Variants in ATG2B observed in about 807,000 individuals in gnomAD.
ATG2B encodes autophagy related 2B.
A neutral mutation model predicts 241.3 loss-of-function variants in ATG2B; 121 were observed. That is an observed-to-expected ratio of 0.50 (90% CI 0.43 to 0.58). The LOEUF is 0.58. ATG2B is among the 20% of genes least tolerant of loss of function. ATG2B has a pLI of 0.00. For missense variants in ATG2B, 2,306 were observed against 2,491.6 expected (o/e 0.93, Z 1.59); for synonymous variants, 858 against 876.6 (o/e 0.98, Z 0.37).
rs1383567961 is a variant in ATG2B at position 96,313,451 on chromosome 14, AT to A, written c.3643-17del. The A allele has an allele frequency of 1.4e-6, 2 of 1,389,632 alleles. No individual in the cohort carries two copies. The highest frequency in any genetic ancestry group is 2.0e-6 in the Non-Finnish European group (2 of 1,012,700). The allele number at this position is 1,389,632 out of a possible 1,614,324, so 86.1% of individuals were successfully genotyped here. A position where few individuals can be genotyped will look rare whatever the true frequency, so the allele number is the denominator to read the frequency against. On this transcript the variant is annotated splice_polypyrimidine_tract_variant and intron_variant, in intron 23 of 41. Coordinates refer to ENST00000359933, the MANE Select transcript of ATG2B (RefSeq NM_018036.7). ...AGTATAAAATCTATAATCACAAAAA[AT>A]TAAAACGCCCTGCTTTAGAAGAAAA...
In ATG2B at chr14:96,295,090, T is replaced by G. The variant is rs148473028; in HGVS notation, c.5296A>C (p.Ile1766Leu). 14 of 1,614,052 alleles carry G rather than the reference T, an allele frequency of 8.7e-6. No individual in the cohort carries two copies. In the Middle Eastern group the frequency reaches 4.9e-4, roughly 57 times the overall value. The change falls in exon 36 of 42, where the codon ATT becomes CTT. Residue 1766 changes from isoleucine to leucine, a missense_variant. Physicochemically the swap from Ile to Leu is conservative, Grantham distance 5 (BLOSUM62 2). Around this residue, in one of 2 missense-constraint regions of ATG2B, gnomAD observed 379 missense variants for 480.4 expected, o/e 0.79. Coordinates refer to ENST00000359933, the MANE Select transcript of ATG2B (RefSeq NM_018036.7). ...GGCTGTTTTGGCCCAGAGAAAGAAATAACCAGATTTGGCTCCTTTGAGGTA... is the reference window on the plus strand; with the variant it reads ...GGCTGTTTTGGCCCAGAGAAAGAAAGAACCAGATTTGGCTCCTTTGAGGTA... ...LSTSKEPNLVISFSGPKQPSQ... is the reference protein window; with the variant it reads ...LSTSKEPNLVLSFSGPKQPSQ...
At chr14:96,292,232 A>C in intron 36 of ATG2B, 134 bp from the exon 37 acceptor site, 1 of 519,562 alleles carries the variant, frequency 1.9e-6, no homozygotes, top group South Asian at 3.2e-5. Flanking sequence ...TTAAGAACTA[A>C]ATAAAAGAGA....
rs1176604593 is a variant in ATG2B at position 96,298,959 on chromosome 14, A to T, written c.5139+3048T>A. On this transcript the variant is annotated intron_variant, in intron 34 of 41. Transcript: ENST00000359933. Reference sequence around the variant, plus strand: ...AAAAAATTGTTTATGCTAAACTTTGACTGTAAAATGTCTAGTTTGAAGATC... The same window carrying T: ...AAAAAATTGTTTATGCTAAACTTTGTCTGTAAAATGTCTAGTTTGAAGATC... Among the ~76,000 whole-genome samples, 5 of 152,158 alleles carry T rather than the reference A, an allele frequency of 3.3e-5. No homozygotes were observed. In the East Asian group the frequency reaches 9.6e-4, roughly 29 times the overall value.
chr14:96,302,205 T>G (rs1886812071), intron 33 of ATG2B, 97 bp from the exon 34 acceptor site: 2 of 728,718 alleles, frequency 2.7e-6, no homozygotes, highest in East Asian at 5.5e-5. Flanking sequence ...CCTATTCCTA[T>G]ACCATATGAG....
Position 96,308,209 on chromosome 14 carries a change from TAAATACATAAATATATATATAC to T in ATG2B, c.4303+1222_4303+1243del, listed in dbSNP as rs1566719505. Among the ~76,000 whole-genome samples, 340 of 114,872 alleles carry T rather than the reference TAAATACATAAATATATATATAC, an allele frequency of 3.0e-3. 5 individuals are homozygous for T. Among genetic ancestry groups the T allele is most frequent in the African/African-American group, 0.011 (323 of 29,460 alleles). 75.4% of individuals were successfully genotyped at this position (114,872 alleles called of 152,430 possible). Reference sequence around the variant, plus strand: ...ATAAATATATATATACATATATATATAAATACATAAATATATATATACATATATATATATATATATATACACA... The same window carrying T: ...ATAAATATATATATACATATATATATATATATATATATATATATATACACA... On this transcript the variant is annotated intron_variant, in intron 29 of 41. Transcript: ENST00000359933.
chr14:96,291,551 ACT>A (rs1886483431), intron 38 of ATG2B, 47 bp downstream of exon 38: 1 of 1,394,882 alleles, frequency 7.2e-7, no homozygotes, highest in South Asian at 1.3e-5. Flanking sequence ...TTTGTTGTAC[ACT>A]AACTTTGATA....
rs576068035 is a variant in ATG2B, at chr14:96,348,263, T to A, written c.163-922A>T. Reference sequence around the variant, plus strand: ...AAAACAAACTTTGCATGTTCTCACTTATCTATGGAAGCTAAAAATTAAAAC... The same window carrying A: ...AAAACAAACTTTGCATGTTCTCACTAATCTATGGAAGCTAAAAATTAAAAC... On this transcript the variant is annotated intron_variant, in intron 1 of 41. Coordinates refer to ENST00000359933, the MANE Select transcript of ATG2B (RefSeq NM_018036.7). 5.3e-5 allele frequency among the ~76,000 whole-genome samples: 8 copies of A among 152,342 alleles called. No homozygotes were observed. The East Asian group carries it at 1.5e-3, about 29-fold the overall frequency.
At chr14:96,345,074 G>C (rs137896308) in intron 3 of ATG2B, among the ~76,000 whole-genome samples, 159 bp downstream of exon 3, 6 of 151,892 alleles carry the variant, frequency 4.0e-5, no homozygotes, top group Admixed American at 3.9e-4. Context: ...CAATTAAATG[G>C]AATATTTAAA....
rs867884694 is a variant in ATG2B at position 96,328,424 on chromosome 14, G to C, written c.2086C>G (p.Leu696Val). The C allele has an allele frequency of 6.2e-7, 1 of 1,613,512 alleles. No homozygotes were observed. The highest frequency in any genetic ancestry group is 8.5e-7 in the Non-Finnish European group (1 of 1,179,760). Reference protein sequence around the residue: ...ISIVDRLNSLLQPQKLATVEM... With the variant: ...ISIVDRLNSLVQPQKLATVEM... ...ACTGTGGCAAGTTTCTGTGGTTGAA[G>C]CAAGGAATTTAACCTGTCCACAATA... The change falls in exon 14 of 42, where the codon CTT becomes GTT. Residue 696 changes from leucine to valine, a missense_variant. Physicochemically the swap from Leu to Val is conservative, Grantham distance 32. Coordinates refer to ENST00000359933, the MANE Select transcript of ATG2B (RefSeq NM_018036.7).
Position 96,332,401 on chromosome 14 carries a change from T to C in ATG2B, c.1372A>G (p.Thr458Ala). ...SPLSATVLQP[T>A]WGEFLDHHKE... ...TGATGATCAAGGAACTCTCCCCAAG[T>C]GGGCTGAAGCTATAAAAGATTTTTT... Residue 458 changes from threonine to alanine, a missense_variant, in exon 10 of 42, where the codon ACT becomes GCT. Transcript: ENST00000359933. 1 of 1,613,748 alleles carries C rather than the reference T, an allele frequency of 6.2e-7. No homozygotes were observed. The highest frequency in any genetic ancestry group is 2.2e-5 in the East Asian group (1 of 44,856).
At chr14:96,348,458 A>G (rs12882534) in intron 1 of ATG2B, among the ~76,000 whole-genome samples, 36,770 of 151,984 alleles carry the variant, frequency 0.24, 5,664 homozygotes, top group Admixed American at 0.35. Context: ...TGAGACGGGC[A>G]GATCTCTCGA....
At chr14:96,340,873 T>C (rs1280071311) in intron 6 of ATG2B, among the ~76,000 whole-genome samples, 2 of 150,412 alleles carry the variant, frequency 1.3e-5, no homozygotes, top group Admixed American at 6.6e-5. Context: ...AGCCAAGATC[T>C]TGTCACTGCA....
Position 96,331,514 on chromosome 14 carries a change from T to C in ATG2B, c.1592A>G (p.Gln531Arg), listed in dbSNP as rs1380093125. The change falls in exon 11 of 42, where the codon CAG becomes CGG. Residue 531 changes from glutamine to arginine, a missense_variant. Gln to Arg is a conservative substitution (Grantham distance 43). Coordinates refer to ENST00000359933, the MANE Select transcript of ATG2B (RefSeq NM_018036.7). ...CATAGGTGTCAATGGATTAAGGTTC[T>C]GTGACGTTTCAGGTGGAGATAAAGG... ...IDPLSPPETS[Q>R]NLNPLTPMAV... 1 of 1,614,132 alleles carries C rather than the reference T, an allele frequency of 6.2e-7. No homozygotes were observed. The highest frequency in any genetic ancestry group is 2.2e-5 in the East Asian group (1 of 44,866).
At chr14:96,342,204 A>C (rs1888055202) in intron 5 of ATG2B, among the ~76,000 whole-genome samples, 1 of 152,116 alleles carries the variant, frequency 6.6e-6, no homozygotes, top group Admixed American at 6.5e-5. Flanking sequence ...AAAAAAAAAA[A>C]AATTAGACGT....
Position 96,341,694 on chromosome 14 carries a change from T to C in ATG2B, c.752A>G (p.Glu251Gly). 1.9e-6 allele frequency: 3 copies of C among 1,565,378 alleles called. No individual in the cohort carries two copies. Among genetic ancestry groups the C allele is most frequent in the Non-Finnish European group, 1.7e-6 (2 of 1,155,242 alleles). Residue 251 changes from glutamate to glycine, a missense_variant, in exon 6 of 42, where the codon GAG (glutamate) becomes GGG (glycine). Transcript: ENST00000359933. ...GTTCCAGCTAGGTGAGAGCTTTGGC[T>C]CAGTTTCCTACAATAAAGTGACAAA... ...PVCSTAPVET[E>G]PKLSPSWNPK...
intron 5 of ATG2B, among the ~76,000 whole-genome samples, chr14:96,342,192 TA>T (rs774028289): frequency 0.044 from 6,221 of 142,258 alleles, 281 homozygotes; most frequent in African/African-American, 0.11. Flanking sequence ...GTTTTGATTG[TA>T]AAAAAAAAAA....
In ATG2B at chr14:96,295,000, C is replaced by T. The variant is rs1886591030; in HGVS notation, c.5386G>A (p.Ala1796Thr). The stretch of plus-strand genomic sequence containing the variant: ...TGATCCCTAAAAGATGCTTCTTCAG[C>T]AGAGAAGTTCTTCTCTTCCATGCCA... ...VNGMEEKNFS[A>T]EEASFRDQPV... is the part of the protein sequence containing the mutation. The change falls in exon 36 of 42, where the codon GCT (alanine) becomes ACT (threonine). Residue 1796 changes from alanine to threonine, a missense_variant. Physicochemically the swap from Ala to Thr is moderately conservative, Grantham distance 58. Around this residue, in one of 2 missense-constraint regions of ATG2B, gnomAD observed 379 missense variants for 480.4 expected, o/e 0.79. Transcript: ENST00000359933. 6.2e-7 allele frequency: 1 copy of T among 1,614,044 alleles called. No homozygotes were observed. Among genetic ancestry groups the T allele is most frequent in the African/African-American group, 1.3e-5 (1 of 74,938 alleles).
At chr14:96,354,057 C>T (rs1043738430) in intron 1 of ATG2B, among the ~76,000 whole-genome samples, 1 of 152,124 alleles carries the variant, frequency 6.6e-6, no homozygotes, top group African/African-American at 2.4e-5. Flanking sequence ...TTTAAACATA[C>T]AAGGAATATG....
In ATG2B at chr14:96,329,477, TATTTACC is replaced by T; in HGVS notation, c.1881_1881+6del. ...ATAATCTTAAAGAAAAAGTATTCAA[TATTTACC>T]TCTGTATAGTGAGGAGGAACAGAAT... On this transcript the variant is annotated splice_donor_variant and splice_donor_5th_base_variant and coding_sequence_variant and intron_variant, in exon 12 of 42. Coordinates refer to ENST00000359933, the MANE Select transcript of ATG2B (RefSeq NM_018036.7). LOFTEE classifies it high-confidence loss of function. 6.3e-7 allele frequency: 1 copy of T among 1,575,428 alleles called. No homozygotes were observed. The highest frequency in any genetic ancestry group is 8.6e-7 in the Non-Finnish European group (1 of 1,162,834).
Sources: allele counts gnomAD v4.1 joint callset (sites outside exome capture counted in the v4.1 genomes callset), GRCh38; gene constraint gnomAD v4.1.1; regional missense constraint gnomAD v4.1.1; transcripts MANE v1.5; gene names NCBI Gene and HGNC (gene_info 2026-07-23, HGNC 2026-07-21).